PPP2R2C: variants seen among roughly 807,000 people sequenced by gnomAD.
PPP2R2C encodes the protein protein phosphatase 2 regulatory subunit Bgamma.
Under a neutral mutation model 45.3 loss-of-function variants are expected in PPP2R2C, and 10 were observed. The ratio of observed to expected loss-of-function variants is 0.22; its 90% CI spans 0.14 to 0.37. The LOEUF is 0.37. Among genes scored for constraint, PPP2R2C ranks in the 10% least tolerant of loss-of-function variants. The pLI is 1.00. For missense variants in PPP2R2C, 308 were observed against 619.7 expected (o/e 0.50, Z 5.34); for synonymous variants, 257 against 245.4 (o/e 1.05, Z -0.44).
At chr4:6,546,681 GT>G (rs1577251503) in intron 1 of PPP2R2C, among the ~76,000 whole-genome samples, 3 of 152,220 alleles carry the variant, frequency 2.0e-5, no homozygotes, top group African/African-American at 7.2e-5. Flanking sequence ...AGACCCAAAG[GT>G]GTGTTCGTTT....
chr4:6,341,380 G>A (rs943507414), intron 6 of PPP2R2C, among the ~76,000 whole-genome samples: 7 of 150,652 alleles, frequency 4.6e-5, no homozygotes, highest in Non-Finnish European at 7.4e-5. Context: ...CACAATTCCT[G>A]TAAGAGTTTT....
chr4:6,337,112 G>GTGTATATATA (rs1202845732), intron 6 of PPP2R2C, among the ~76,000 whole-genome samples: 1 of 30,118 alleles, frequency 3.3e-5, no homozygotes, highest in African/African-American at 1.0e-4. Context: ...ATGTGTGTGT[G>GTGTATATATA]TATATATATA....
rs1725012293 is a variant in PPP2R2C, at chr4:6,547,158, A to G, written c.-58-11781T>C. Among the ~76,000 whole-genome samples the G allele has an allele frequency of 3.3e-5, 5 of 152,150 alleles. No individual in the cohort carries two copies. The South Asian group carries it at 1.0e-3, about 32-fold the overall frequency. On this transcript the variant is annotated intron_variant, in intron 1 of 9. Coordinates refer to the PPP2R2C transcript ENST00000506140. Reference sequence around the variant, plus strand: ...ATCAAGATTTTGCCACACTTGCTTCATCTCTCCCTTTTTTTTCTCTTGCCT... The same window carrying G: ...ATCAAGATTTTGCCACACTTGCTTCGTCTCTCCCTTTTTTTTCTCTTGCCT...
chr4:6,355,951 G>T (rs568834081), intron 5 of PPP2R2C, among the ~76,000 whole-genome samples: 1 of 141,580 alleles, frequency 7.1e-6, no homozygotes, highest in East Asian at 2.2e-4. Flanking sequence ...CTGAGATCGT[G>T]CCACGTATTC....
At chr4:6,352,145 C>G (rs1399537742) in intron 5 of PPP2R2C, among the ~76,000 whole-genome samples, 2 of 152,142 alleles carry the variant, frequency 1.3e-5, no homozygotes, top group African/African-American at 4.8e-5. Flanking sequence ...GGCCCAGTGA[C>G]CACACTCGGT....
At chr4:6,424,411 CAG>C (rs1719162043) in intron 1 of PPP2R2C, among the ~76,000 whole-genome samples, 1 of 152,206 alleles carries the variant, frequency 6.6e-6, no homozygotes, top group South Asian at 2.1e-4. Context: ...GGCCCCTCTG[CAG>C]AGAGAGGACA....
chr4:6,339,685 G>A (rs1355707091), intron 6 of PPP2R2C, among the ~76,000 whole-genome samples: 4 of 152,244 alleles, frequency 2.6e-5, no homozygotes, highest in Non-Finnish European at 5.9e-5. Context: ...AAACAGATGA[G>A]GGTGGGAGGG....
At chr4:6,511,732 G>A (rs1206237440) in intron 2 of PPP2R2C, among the ~76,000 whole-genome samples, 1 of 51,018 alleles carries the variant, frequency 2.0e-5, no homozygotes. Flanking sequence ...GATGGTGGTG[G>A]AGGTGATGGT....
At chr4:6,485,844 T>C (rs1265358974) in intron 2 of PPP2R2C, among the ~76,000 whole-genome samples, 1 of 151,970 alleles carries the variant, frequency 6.6e-6, no homozygotes, top group African/African-American at 2.4e-5. Flanking sequence ...AACCAACTTT[T>C]GGATTAATTT....
chr4:6,414,171 T>G, intron 1 of PPP2R2C: 1 of 981,148 alleles, frequency 1.0e-6, no homozygotes. Context: ...TAGTATGCCT[T>G]TTTCCTCCTC....
chr4:6,472,295 G>A lies in PPP2R2C; in HGVS notation c.-66C>T, dbSNP rs1468700815. 17 of 1,594,192 alleles carry A rather than the reference G, an allele frequency of 1.1e-5. No individual in the cohort carries two copies. Among genetic ancestry groups the A allele is most frequent in the Non-Finnish European group, 1.4e-5 (16 of 1,170,986 alleles). On this transcript the variant is annotated 5_prime_UTR_variant, in exon 1 of 9. Coordinates refer to ENST00000382599, the MANE Select transcript of PPP2R2C (RefSeq NM_020416.4). ...CACACCGATGCAATCCGCAGAGGTC[G>A]CGCCGGGCGCGCGGGCCATGCCGCC...
chr4:6,477,647 A>G (rs963172230), intron 2 of PPP2R2C, among the ~76,000 whole-genome samples: 1 of 144,986 alleles, frequency 6.9e-6, no homozygotes, highest in African/African-American at 2.6e-5. Context: ...AAGGGTGTGA[A>G]CCCGGGAGGC....
chr4:6,457,406 C>T (rs1560562519), intron 1 of PPP2R2C, among the ~76,000 whole-genome samples: 1 of 152,040 alleles, frequency 6.6e-6, no homozygotes, highest in South Asian at 2.1e-4. Context: ...GGGTCTGGCT[C>T]TGTCACCCAG....
At chr4:6,518,974 A>G (rs1444808571) in intron 2 of PPP2R2C, among the ~76,000 whole-genome samples, 1 of 151,846 alleles carries the variant, frequency 6.6e-6, no homozygotes, top group African/African-American at 2.4e-5. Flanking sequence ...GAAAAGAGAA[A>G]AAGAAATGGA....
intron 5 of PPP2R2C, among the ~76,000 whole-genome samples, chr4:6,369,080 A>T (rs1378405474): frequency 6.6e-6 from 1 of 152,250 alleles, no homozygotes; most frequent in Non-Finnish European, 1.5e-5. Flanking sequence ...CTTTTCAGAG[A>T]GAACCAGCTT....
At chr4:6,363,940 A>G (rs1577110197) in intron 5 of PPP2R2C, among the ~76,000 whole-genome samples, 2 of 152,218 alleles carry the variant, frequency 1.3e-5, no homozygotes, top group East Asian at 3.8e-4. Context: ...CTTTCTAAGG[A>G]GGCCGGGGTC....
chr4:6,348,973 C>G lies in PPP2R2C; in HGVS notation c.626-963G>C, dbSNP rs865786980. The G allele has an allele frequency of 1.4e-5, 14 of 977,968 alleles. No individual in the cohort carries two copies. In the African/African-American group the frequency reaches 2.5e-4, roughly 17 times the overall value. 60.6% of individuals were successfully genotyped at this position (977,968 alleles called of 1,614,324 possible). On this transcript the variant is annotated intron_variant, in intron 5 of 8. Coordinates refer to ENST00000382599, the MANE Select transcript of PPP2R2C (RefSeq NM_020416.4). ...AGATGAGCAACTCGTCCGGGGTGGC[C>G]CAGGTGTGATTGGTAAGGCTGGATT...
chr4:6,360,045 A>AGTAAT (rs1020573366), intron 5 of PPP2R2C, among the ~76,000 whole-genome samples: 6 of 152,230 alleles, frequency 3.9e-5, no homozygotes, highest in African/African-American at 1.4e-4. Context: ...AACCACAGCA[A>AGTAAT]GTAATTGAAC....
chr4:6,349,179 A>G (rs1160784298), intron 5 of PPP2R2C: 2 of 984,990 alleles, frequency 2.0e-6, no homozygotes, highest in African/African-American at 1.8e-5. Flanking sequence ...CTCTCACAGC[A>G]ATGACCTCAG....
Sources: allele counts gnomAD v4.1 joint callset (sites outside exome capture counted in the v4.1 genomes callset), GRCh38; gene constraint gnomAD v4.1.1; transcripts MANE v1.5; gene names NCBI Gene and HGNC (gene_info 2026-07-23, HGNC 2026-07-21).